The following ROBO2 variants were observed in gnomAD, a reference collection of about 807,000 sequenced individuals.
ROBO2 encodes roundabout homolog 2.
ROBO2 carries 53 observed loss-of-function variants against 160.8 expected under a neutral mutation model. That is an observed-to-expected ratio of 0.33 (90% CI 0.26 to 0.41). The LOEUF (loss-of-function observed/expected upper bound fraction) is 0.41, where lower values mean the gene tolerates loss of function less well. Ranked by LOEUF, ROBO2 falls within the 10% of genes least tolerant of loss-of-function variation. The pLI is 1.00. For missense variants in ROBO2, 1,577 were observed against 1,722.4 expected (o/e 0.92, Z 1.49); for synonymous variants, 664 against 611.7 (o/e 1.09, Z -1.26).
At chr3:76,439,358 T>C (rs1313908381) in intron 2 of ROBO2, among the ~76,000 whole-genome samples, 2 of 119,444 alleles carry the variant, frequency 1.7e-5, no homozygotes, top group African/African-American at 5.8e-5. Flanking sequence ...CCTTAAGAAA[T>C]TTAGGAGTTT....
intron 2 of ROBO2, among the ~76,000 whole-genome samples, chr3:76,709,062 A>G (rs2093232431): frequency 6.6e-6 from 1 of 152,118 alleles, no homozygotes; most frequent in Non-Finnish European, 1.5e-5. Flanking sequence ...GGAGAAGATA[A>G]TGGATTTATT....
chr3:77,081,094 T>C (rs1416388290), intron 1 of ROBO2, among the ~76,000 whole-genome samples: 2 of 152,160 alleles, frequency 1.3e-5, no homozygotes, highest in African/African-American at 4.8e-5. Flanking sequence ...TATGGGCTAG[T>C]TTATTAGATT....
chr3:76,239,180 TAGAG>T (rs763269241), intron 2 of ROBO2, among the ~76,000 whole-genome samples: 3 of 152,022 alleles, frequency 2.0e-5, no homozygotes, highest in Non-Finnish European at 4.4e-5. Flanking sequence ...GTTATAGAGA[TAGAG>T]AGAAATAAAT....
intron 2 of ROBO2, among the ~76,000 whole-genome samples, chr3:76,668,886 G>A (rs534690474): frequency 1.3e-5 from 2 of 152,126 alleles, no homozygotes; most frequent in African/African-American, 4.8e-5. Context: ...TGCAGCGGTT[G>A]GGGTGGTTTC....
At chr3:77,630,730 CTA>C (rs1553707251) in intron 23 of ROBO2, 1 of 151,794 alleles carries the variant, frequency 6.6e-6, no homozygotes, top group African/African-American at 2.4e-5. Context: ...ATAGAAGAGA[CTA>C]GAGGGAAATC....
At chr3:76,330,397 C>T (rs1003183174) in intron 2 of ROBO2, among the ~76,000 whole-genome samples, 33 of 152,110 alleles carry the variant, frequency 2.2e-4, no homozygotes, top group Non-Finnish European at 4.6e-4. Context: ...ATTATCATGC[C>T]TGCATGAGTA....
chr3:77,584,917 CACAT>C (rs2094006195), intron 16 of ROBO2, among the ~76,000 whole-genome samples: 1 of 146,082 alleles, frequency 6.8e-6, no homozygotes, highest in Non-Finnish European at 1.5e-5. Flanking sequence ...TGTGTATACA[CACAT>C]ACATATATAT....
intron 2 of ROBO2, among the ~76,000 whole-genome samples, chr3:75,949,683 T>A (rs1948462000): frequency 6.6e-6 from 1 of 152,080 alleles, no homozygotes; most frequent in Non-Finnish European, 1.5e-5. Context: ...CAACTTTGTG[T>A]GTTGTTGAAC....
intron 2 of ROBO2, among the ~76,000 whole-genome samples, chr3:76,522,224 A>C (rs2081662576): frequency 6.6e-6 from 1 of 152,184 alleles, no homozygotes; most frequent in South Asian, 2.1e-4. Context: ...GCATTGGCCC[A>C]AGTGCAACAT....
intron 2 of ROBO2, among the ~76,000 whole-genome samples, chr3:77,197,409 A>C (rs2082406739): frequency 6.6e-6 from 1 of 152,224 alleles, no homozygotes; most frequent in Admixed American, 6.5e-5. Flanking sequence ...GCCAAAAAGC[A>C]ACTTGCTATT....
intron 2 of ROBO2, among the ~76,000 whole-genome samples, chr3:76,731,354 C>A (rs2093634843): frequency 6.6e-6 from 1 of 152,176 alleles, no homozygotes; most frequent in Non-Finnish European, 1.5e-5. Flanking sequence ...CAGAACTTCT[C>A]ATTGTTGTTG....
intron 9 of ROBO2, among the ~76,000 whole-genome samples, chr3:77,560,141 G>A (rs1227409811): frequency 1.3e-5 from 2 of 152,018 alleles, no homozygotes; most frequent in Admixed American, 1.3e-4. Context: ...TTAAAGGTGG[G>A]TGCTTGATGA....
chr3:76,335,337 C>G (rs914676603), intron 2 of ROBO2, among the ~76,000 whole-genome samples: 3 of 151,202 alleles, frequency 2.0e-5, no homozygotes, highest in Non-Finnish European at 2.9e-5. Context: ...TGTGCCACCA[C>G]GCCTGGTTAA....
chr3:76,160,145 G>A (rs1400638269), intron 2 of ROBO2, among the ~76,000 whole-genome samples: 6 of 152,018 alleles, frequency 3.9e-5, no homozygotes, highest in Admixed American at 6.6e-5. Context: ...CTTGAGCATC[G>A]CAAAAAAACA....
chr3:77,645,455 T>C (rs2095403602), intron 25 of ROBO2, among the ~76,000 whole-genome samples: 1 of 152,192 alleles, frequency 6.6e-6, no homozygotes, highest in Non-Finnish European at 1.5e-5. Context: ...ATTTTCTAAA[T>C]GTAAAATACT....
intron 1 of ROBO2, among the ~76,000 whole-genome samples, chr3:77,067,577 G>A (rs2066988488): frequency 6.6e-6 from 1 of 152,150 alleles, no homozygotes; most frequent in South Asian, 2.1e-4. Context: ...TGTGAGAATA[G>A]CATTAAGCAA....
chr3:77,167,756 G>A (rs1244916777), intron 2 of ROBO2, among the ~76,000 whole-genome samples: 2 of 152,056 alleles, frequency 1.3e-5, no homozygotes, highest in South Asian at 4.1e-4. Flanking sequence ...TTAATATGCT[G>A]AATTAGCCCT....
intron 2 of ROBO2, among the ~76,000 whole-genome samples, chr3:76,621,868 A>G (rs930183773): frequency 2.0e-5 from 3 of 152,232 alleles, no homozygotes; most frequent in Non-Finnish European, 4.4e-5. Flanking sequence ...AAAAATTTTA[A>G]TTATGATGAA....
chr3:76,540,914 C>T (rs1222825350), intron 2 of ROBO2, among the ~76,000 whole-genome samples: 1 of 152,108 alleles, frequency 6.6e-6, no homozygotes, highest in Non-Finnish European at 1.5e-5. Context: ...ATTCTCCTGC[C>T]TCAGCCTCCC....
Sources: gnomAD v4.1 joint callset for allele counts (sites outside exome capture counted in the v4.1 genomes callset) on GRCh38, gnomAD v4.1.1 for gene constraint, MANE v1.5 for transcripts, NCBI Gene and HGNC (gene_info 2026-07-23, HGNC 2026-07-21) for gene names.